ALK: variants seen among roughly 807,000 people sequenced by gnomAD.
ALK encodes ALK tyrosine kinase receptor.
Under a neutral mutation model 163.1 loss-of-function variants are expected in ALK, and 74 were observed. The ratio of observed to expected loss-of-function variants is 0.45; its 90% CI spans 0.38 to 0.55. ALK has a LOEUF of 0.55. Among genes scored for constraint, ALK ranks in the 20% least tolerant of loss-of-function variants. ALK has a pLI of 0.00. For synonymous variants in ALK, 960 were observed against 843.2 expected (o/e 1.14, Z -2.40); for missense variants, 2,063 against 2,105.3 (o/e 0.98, Z 0.39).
intron 22 of ALK, 116 bp downstream of exon 22, chr2:29,222,228 G>A (rs897422939): frequency 8.8e-6 from 8 of 911,552 alleles, no homozygotes; most frequent in African/African-American, 6.6e-5. Flanking sequence ...CTGGAGAAAA[G>A]GGGACATGCT....
chr2:29,200,805 ATG>A (rs1573089966), intron 26 of ALK, among the ~76,000 whole-genome samples: 5 of 130,794 alleles, frequency 3.8e-5, no homozygotes, highest in Non-Finnish European at 6.7e-5. Context: ...ATACATATAT[ATG>A]TGTGTATATA....
At chr2:29,784,877 C>T (rs1663965303) in intron 1 of ALK, among the ~76,000 whole-genome samples, 1 of 152,110 alleles carries the variant, frequency 6.6e-6, no homozygotes, top group Non-Finnish European at 1.5e-5. Context: ...ATGCAGTGCT[C>T]TCTTCTGCTT....
intron 4 of ALK, among the ~76,000 whole-genome samples, chr2:29,501,627 C>T (rs1472059032): frequency 2.0e-5 from 3 of 152,210 alleles, no homozygotes; most frequent in Non-Finnish European, 4.4e-5. Context: ...TCATCCCTTG[C>T]CTCAAGCTCT....
intron 1 of ALK, among the ~76,000 whole-genome samples, chr2:29,844,603 A>G (rs1665790572): frequency 6.6e-6 from 1 of 152,028 alleles, no homozygotes; most frequent in South Asian, 2.1e-4. Flanking sequence ...GGAGTTCACA[A>G]TCTTCTGAAG....
Position 29,710,787 on chromosome 2 carries a change from A to T in ALK, c.787+6791T>A, listed in dbSNP as rs566648759. On this transcript the variant is annotated intron_variant, in intron 2 of 28. Coordinates refer to ENST00000389048, the MANE Select transcript of ALK (RefSeq NM_004304.5). The stretch of plus-strand genomic sequence containing the variant: ...TGGCCTTCCAAATTGCTGGGATTAC[A>T]GGCGTGAGCAACTGTGCCTGGCCTC... 8.5e-5 allele frequency among the ~76,000 whole-genome samples: 13 copies of T among 152,232 alleles called. No individual in the cohort carries two copies. In the South Asian group the frequency reaches 2.3e-3, roughly 27 times the overall value.
At chr2:29,671,289 C>G (rs1677678914) in intron 3 of ALK, among the ~76,000 whole-genome samples, 1 of 151,964 alleles carries the variant, frequency 6.6e-6, no homozygotes, top group African/African-American at 2.4e-5. Context: ...AAGAGATTAC[C>G]CAGTAGTGTG....
In ALK at chr2:29,916,077, T is replaced by C. The variant is rs372477258; in HGVS notation, c.667+3916A>G. ...CTTCTGCCATTCTGCATCCCAGCTC[T>C]CTGTCCTGTTGTAGCTTCTCAATAT... On this transcript the variant is annotated intron_variant, in intron 1 of 28. Coordinates refer to ENST00000389048, the MANE Select transcript of ALK (RefSeq NM_004304.5). Among the ~76,000 whole-genome samples, 41 of 152,374 alleles carry C rather than the reference T, an allele frequency of 2.7e-4. No individual in the cohort carries two copies. In the East Asian group the frequency reaches 6.6e-3, roughly 24 times the overall value.
chr2:29,429,464 T>A (rs1372289492), intron 4 of ALK, among the ~76,000 whole-genome samples: 4 of 152,050 alleles, frequency 2.6e-5, no homozygotes, highest in Admixed American at 2.6e-4. Context: ...TCAAAAATGA[T>A]ATTACAAATT....
At chr2:29,717,313 T>C (rs1446411613) in intron 2 of ALK, among the ~76,000 whole-genome samples, 4 of 151,890 alleles carry the variant, frequency 2.6e-5, no homozygotes, top group African/African-American at 7.3e-5. Flanking sequence ...GAACACTATA[T>C]ACCATAAAGG....
intron 5 of ALK, among the ~76,000 whole-genome samples, chr2:29,342,936 G>T (rs1667838466): frequency 7.3e-6 from 1 of 137,778 alleles, no homozygotes; most frequent in South Asian, 2.3e-4. Context: ...AGGCTGGAGT[G>T]CAGTGGCGCG....
chr2:29,676,796 T>C (rs1020380978), intron 3 of ALK, among the ~76,000 whole-genome samples: 1 of 152,180 alleles, frequency 6.6e-6, no homozygotes, highest in South Asian at 2.1e-4. Flanking sequence ...TTTTAATTTA[T>C]ATTATCTTTA....
intron 1 of ALK, among the ~76,000 whole-genome samples, chr2:29,825,954 G>T (rs1390387179): frequency 6.6e-6 from 1 of 152,128 alleles, no homozygotes; most frequent in Non-Finnish European, 1.5e-5. Flanking sequence ...TGTTCTAGAG[G>T]CTCTGGTAGC....
chr2:29,249,615 C>T (rs942732202), intron 12 of ALK, among the ~76,000 whole-genome samples: 3 of 152,178 alleles, frequency 2.0e-5, no homozygotes, highest in African/African-American at 7.2e-5. Flanking sequence ...TTGCTAAGCT[C>T]CTCCGACTCC....
chr2:29,383,621 C>T (rs1057218908), intron 5 of ALK, 111 bp downstream of exon 5: 69 of 1,468,668 alleles, frequency 4.7e-5, no homozygotes, highest in Non-Finnish European at 6.0e-5. Context: ...CCAGCCCACT[C>T]TAGACTTTTC....
intron 5 of ALK, among the ~76,000 whole-genome samples, chr2:29,347,369 A>T (rs1356307769): frequency 6.6e-6 from 1 of 152,048 alleles, no homozygotes; most frequent in East Asian, 1.9e-4. Flanking sequence ...AGGTGAACCA[A>T]CTCATTTCCA....
chr2:29,558,262 AG>A (rs2148180658), intron 3 of ALK, among the ~76,000 whole-genome samples: 1 of 152,314 alleles, frequency 6.6e-6, no homozygotes, highest in East Asian at 1.9e-4. Context: ...CAGTACTGTT[AG>A]AATTGGATTA....
chr2:29,758,627 C>T (rs991960439), intron 1 of ALK, among the ~76,000 whole-genome samples: 13 of 152,148 alleles, frequency 8.5e-5, no homozygotes, highest in African/African-American at 1.2e-4. Context: ...GCTCCCTCCT[C>T]GGCTCCCTCC....
At chr2:29,808,052 G>T (rs1664664956) in intron 1 of ALK, among the ~76,000 whole-genome samples, 1 of 152,090 alleles carries the variant, frequency 6.6e-6, no homozygotes, top group South Asian at 2.1e-4. Flanking sequence ...TAATCTCATT[G>T]TTTGGTTTTC....
chr2:29,520,168 C>G (rs1672775247), intron 4 of ALK, among the ~76,000 whole-genome samples: 1 of 152,108 alleles, frequency 6.6e-6, no homozygotes, highest in Non-Finnish European at 1.5e-5. Context: ...TAACATAGGC[C>G]AGCATTTGCT....
Sources: allele counts gnomAD v4.1 joint callset (sites outside exome capture counted in the v4.1 genomes callset), GRCh38; gene constraint gnomAD v4.1.1; transcripts MANE v1.5; gene names NCBI Gene and HGNC (gene_info 2026-07-23, HGNC 2026-07-21).